DIS3L2: variants seen among roughly 807,000 people sequenced by gnomAD.
DIS3L2 encodes the protein DIS3 like 3'-5' exoribonuclease 2, also known as DIS3-like exonuclease 2.
DIS3L2 carries 34 observed loss-of-function variants against 97.5 expected under a neutral mutation model. The observed-to-expected ratio is 0.35, with a 90% CI of 0.27 to 0.46. The LOEUF is 0.46. Ranked by LOEUF, DIS3L2 falls within the 20% of genes least tolerant of loss-of-function variation. The pLI is 1.00. For missense variants in DIS3L2, 1,038 were observed against 1,146.0 expected, an observed-to-expected ratio of 0.91 and a Z score of 1.36; for synonymous variants, 435 against 445.2, an observed-to-expected ratio of 0.98 and a Z score of 0.29.
rs540157590 is a variant in DIS3L2, at chr2:232,034,830, G to T, written c.366+4750G>T. ...AATTTGATTGTACTGTGGTCTGAGA[G>T]ACTATTTGTTAAGATTTCCATTGTT... On this transcript the variant is annotated intron_variant, in intron 5 of 20. Transcript: ENST00000325385. Among the ~76,000 whole-genome samples the T allele has an allele frequency of 1.1e-3, 173 of 152,292 alleles. 5 individuals are homozygous for T. The South Asian group carries it at 0.017, about 15-fold the overall frequency.
intron 10 of DIS3L2, among the ~76,000 whole-genome samples, chr2:232,230,230 AG>A: frequency 6.6e-6 from 1 of 152,292 alleles, no homozygotes; most frequent in South Asian, 2.1e-4. Context: ...CCCAAGTAAA[AG>A]GTGGAGTTTA....
At chr2:232,272,879 G>T (rs753734108) in intron 13 of DIS3L2, among the ~76,000 whole-genome samples, 1 of 152,142 alleles carries the variant, frequency 6.6e-6, no homozygotes, top group Non-Finnish European at 1.5e-5. Flanking sequence ...GGTCAGAACA[G>T]CCAGTGCAGA....
chr2:232,343,356 C>G (rs765226429), exon 14 of DIS3L2: 2 of 1,555,538 alleles, frequency 1.3e-6, no homozygotes, highest in Admixed American at 1.9e-5. Flanking sequence ...AGAACGCAGA[C>G]AAGGATGGGG....
At chr2:232,102,170 A>G (rs1324026551) in intron 6 of DIS3L2, among the ~76,000 whole-genome samples, 1 of 152,252 alleles carries the variant, frequency 6.6e-6, no homozygotes, top group Admixed American at 6.5e-5. Flanking sequence ...CTCTAGCCCT[A>G]ACTTCCAGTC....
chr2:232,149,193 G>GTTTT (rs762181547), intron 8 of DIS3L2, among the ~76,000 whole-genome samples: 1 of 137,728 alleles, frequency 7.3e-6, no homozygotes, highest in Non-Finnish European at 1.6e-5. Flanking sequence ...GCGCTTAAAA[G>GTTTT]TTTTTTTTTT....
At chr2:231,998,935 C>T (rs1693801440) in intron 1 of DIS3L2, among the ~76,000 whole-genome samples, 1 of 152,086 alleles carries the variant, frequency 6.6e-6, no homozygotes, top group African/African-American at 2.4e-5. Flanking sequence ...TTTCAGAGGG[C>T]TCCTGTGAAC....
At chr2:232,237,208 A>G (rs1157834574) in intron 10 of DIS3L2, among the ~76,000 whole-genome samples, 1 of 152,190 alleles carries the variant, frequency 6.6e-6, no homozygotes, top group Non-Finnish European at 1.5e-5. Context: ...GGTGATTTAC[A>G]GTATGTTCAA....
In DIS3L2 at chr2:232,034,435, T is replaced by C. The variant is rs532005642; in HGVS notation, c.366+4355T>C. Among the ~76,000 whole-genome samples the C allele has an allele frequency of 8.6e-3, 1,313 of 152,302 alleles. 17 individuals carry two copies. Among genetic ancestry groups the C allele is most frequent in the African/African-American group, 0.03 (1,229 of 41,566 alleles). ...AAAACCAGCTCCTGGACTCATTGAT[T>C]TTTTTGAATGGTTTTTCATGTCTCT... On this transcript the variant is annotated intron_variant, in intron 5 of 20. Coordinates refer to ENST00000325385, the MANE Select transcript of DIS3L2 (RefSeq NM_152383.5).
chr2:232,304,216 A>T (rs1054172580), intron 14 of DIS3L2, among the ~76,000 whole-genome samples: 1 of 151,772 alleles, frequency 6.6e-6, no homozygotes, highest in African/African-American at 2.4e-5. Context: ...CACTAAATCC[A>T]GTTAATCAAG....
exon 14 of DIS3L2, chr2:232,343,479 A>G (rs1471470995): frequency 6.4e-7 from 1 of 1,555,822 alleles, no homozygotes; most frequent in Non-Finnish European, 8.7e-7. Context: ...ATCCAGACAC[A>G]CGACTGTTTT....
At chr2:232,132,572 G>A (rs1017589706) in intron 7 of DIS3L2, among the ~76,000 whole-genome samples, 2 of 152,190 alleles carry the variant, frequency 1.3e-5, no homozygotes, top group Non-Finnish European at 2.9e-5. Flanking sequence ...AGCAACAACA[G>A]AAGGTGGCCC....
intron 8 of DIS3L2, among the ~76,000 whole-genome samples, chr2:232,159,017 C>CTA (rs1175742281): frequency 1.5e-4 from 23 of 152,160 alleles, no homozygotes; most frequent in Non-Finnish European, 3.1e-4. Flanking sequence ...GTTGGAACTT[C>CTA]ACTCTAGTGA....
intron 5 of DIS3L2, among the ~76,000 whole-genome samples, chr2:232,071,330 T>G (rs996196526): frequency 6.6e-6 from 1 of 151,980 alleles, no homozygotes; most frequent in Non-Finnish European, 1.5e-5. Context: ...TAGACCAGCC[T>G]GGGCAACATA....
At chr2:232,240,669 C>T (rs528179061) in intron 11 of DIS3L2, among the ~76,000 whole-genome samples, 3 of 152,264 alleles carry the variant, frequency 2.0e-5, no homozygotes, top group African/African-American at 7.2e-5. Context: ...CTCTTTGCCC[C>T]CCGACCCCTC....
intron 8 of DIS3L2, among the ~76,000 whole-genome samples, chr2:232,142,852 G>A (rs753550647): frequency 3.3e-5 from 5 of 152,086 alleles, no homozygotes; most frequent in Non-Finnish European, 5.9e-5. Context: ...TTGGGCCCTC[G>A]GTATAGTTGA....
At chr2:232,192,370 A>G (rs1203402793) in intron 9 of DIS3L2, among the ~76,000 whole-genome samples, 1 of 152,108 alleles carries the variant, frequency 6.6e-6, no homozygotes, top group Non-Finnish European at 1.5e-5. Flanking sequence ...CAGTTTTGGA[A>G]TCTCTAACTC....
At chr2:232,127,021 A>T (rs1337248702) in intron 6 of DIS3L2, among the ~76,000 whole-genome samples, 1 of 152,200 alleles carries the variant, frequency 6.6e-6, no homozygotes, top group African/African-American at 2.4e-5. Context: ...TTCTTCATTA[A>T]CAGTGACAGA....
chr2:232,302,390 TA>T (rs35944968), intron 14 of DIS3L2, among the ~76,000 whole-genome samples: 19 of 146,762 alleles, frequency 1.3e-4, no homozygotes, highest in Non-Finnish European at 1.4e-4. Flanking sequence ...GTATAATAAT[TA>T]AAAAAAAAAG....
chr2:232,337,042 G>A lies in DIS3L2; in HGVS notation c.*412G>A. On this transcript the variant is annotated 3_prime_UTR_variant, in exon 21 of 21. Transcript: ENST00000325385. Reference sequence around the variant, plus strand: ...AATGCCCCTTGCACCCAGGGCAAGGGACCCAGTTCAGGCTTCACCCCTCGC... The same window carrying A: ...AATGCCCCTTGCACCCAGGGCAAGGAACCCAGTTCAGGCTTCACCCCTCGC... The A allele has an allele frequency of 9.4e-7, 1 of 1,063,296 alleles. No homozygotes were observed. The highest frequency in any genetic ancestry group is 2.9e-5 in the South Asian group (1 of 34,604). 65.9% of individuals were successfully genotyped at this position (1,063,296 alleles called of 1,614,324 possible). A position where few individuals can be genotyped will look rare whatever the true frequency, so the allele number is the denominator to read the frequency against.
Sources: allele counts gnomAD v4.1 joint callset (sites outside exome capture counted in the v4.1 genomes callset), GRCh38; gene constraint gnomAD v4.1.1; transcripts MANE v1.5; gene names NCBI Gene and HGNC (gene_info 2026-07-23, HGNC 2026-07-21).